PRORP: variants seen among roughly 807,000 people sequenced by gnomAD.
The protein encoded by PRORP is mitochondrial ribonuclease P catalytic subunit.
A neutral mutation model predicts 59.4 loss-of-function variants in PRORP; 51 were observed. The observed-to-expected ratio is 0.86, with a 90% CI of 0.69 to 1.08. PRORP has a LOEUF of 1.08. PRORP is among the 50% of genes least tolerant of loss of function. PRORP has a pLI of 0.00. For synonymous variants in PRORP, 231 were observed against 245.6 expected, an observed-to-expected ratio of 0.94 and a Z score of 0.55; for missense variants, 646 against 690.3, an observed-to-expected ratio of 0.94 and a Z score of 0.72.
rs139513682 is a variant in PRORP, at chr14:35,123,860, T to A, written c.615T>A (p.Tyr205Ter). ...TCTTTGAAATTATGAAAGCCAGATA[T>A]AAGACTTTAGAACCTAGAGGTTACA... Reference protein sequence around the residue: ...IDVFEIMKARYKTLEPRGYSL... With the variant: ...IDVFEIMKAR The change falls in exon 2 of 8, where the codon TAT becomes TAA. Residue 205 changes from tyrosine (Y) to a stop codon, truncating the protein, a stop_gained. Coordinates refer to ENST00000534898, the MANE Select transcript of PRORP (RefSeq NM_014672.4). LOFTEE classifies it high-confidence loss of function. The A allele has an allele frequency of 4.3e-5, 70 of 1,614,136 alleles. No homozygotes were observed. Among genetic ancestry groups the A allele is most frequent in the Non-Finnish European group, 1.9e-5 (23 of 1,180,026 alleles).
chr14:35,247,716 C>T lies in PRORP; in HGVS notation c.1276-19011C>T, dbSNP rs1489850063. On this transcript the variant is annotated intron_variant, in intron 5 of 7. Transcript: ENST00000534898. ...AAATTTAATCAAATTTTGATATTTCCATATCAAAATAAGTTAGTTTAATCT... is the reference window on the plus strand; with the variant it reads ...AAATTTAATCAAATTTTGATATTTCTATATCAAAATAAGTTAGTTTAATCT... 5.3e-5 allele frequency among the ~76,000 whole-genome samples: 8 copies of T among 152,106 alleles called. No individual in the cohort carries two copies. In the South Asian group the frequency reaches 8.3e-4, roughly 16 times the overall value.
chr14:35,240,713 C>T (rs2050343549), intron 5 of PRORP, among the ~76,000 whole-genome samples: 1 of 152,150 alleles, frequency 6.6e-6, no homozygotes. Flanking sequence ...GTGATTTCTA[C>T]CTCCTTGTTC....
intron 6 of PRORP, among the ~76,000 whole-genome samples, chr14:35,267,851 G>A (rs150945179): frequency 3.3e-5 from 5 of 152,114 alleles, no homozygotes; most frequent in Admixed American, 2.0e-4. Flanking sequence ...AAAGCAACAC[G>A]GCCAGTTGGG....
intron 5 of PRORP, among the ~76,000 whole-genome samples, chr14:35,261,292 T>G (rs2050895606): frequency 6.6e-6 from 1 of 152,196 alleles, no homozygotes; most frequent in Non-Finnish European, 1.5e-5. Flanking sequence ...AGTCTTCTTA[T>G]GTTTATTTTA....
intron 5 of PRORP, among the ~76,000 whole-genome samples, chr14:35,240,057 A>T (rs1201110358): frequency 6.7e-6 from 1 of 149,220 alleles, no homozygotes; most frequent in Non-Finnish European, 1.5e-5. Context: ...CCTGGGTGAC[A>T]GAGTAAGACT....
chr14:35,167,951 A>T (rs1379895275), intron 4 of PRORP, among the ~76,000 whole-genome samples: 2 of 152,250 alleles, frequency 1.3e-5, no homozygotes, highest in South Asian at 2.1e-4. Flanking sequence ...TTTTCTAAGG[A>T]TTAGAAGAAA....
intron 5 of PRORP, among the ~76,000 whole-genome samples, chr14:35,231,142 C>A (rs907252351): frequency 1.3e-5 from 2 of 152,062 alleles, no homozygotes; most frequent in African/African-American, 4.8e-5. Context: ...GAATTTATTA[C>A]CCATACAAAA....
Position 35,201,631 on chromosome 14 carries a change from T to TTTTATTTATTTATTTA in PRORP, c.1275+20867_1275+20882dup, listed in dbSNP as rs762557804. ...ACAAAATGCCTCATTGTATACAAAA[T>TTTTATTTATTTATTTA]TTTATTTATTTATTTATTTATTTAT... is the stretch of plus-strand genomic sequence containing the variant. On this transcript the variant is annotated intron_variant, in intron 5 of 7. Coordinates refer to ENST00000534898, the MANE Select transcript of PRORP (RefSeq NM_014672.4). Among the ~76,000 whole-genome samples the TTTTATTTATTTATTTA allele has an allele frequency of 6.8e-4, 103 of 151,586 alleles. 1 individual carries two copies. Among genetic ancestry groups the TTTTATTTATTTATTTA allele is most frequent in the African/African-American group, 2.4e-3 (97 of 41,176 alleles).
Position 35,138,154 on chromosome 14 carries a change from G to A in PRORP, c.1167+10543G>A, listed in dbSNP as rs146048227. Among the ~76,000 whole-genome samples the A allele has an allele frequency of 5.8e-4, 84 of 145,230 alleles. 11 individuals are homozygous for A. Among genetic ancestry groups the A allele is most frequent in the South Asian group, 2.0e-3 (9 of 4,420 alleles). On this transcript the variant is annotated intron_variant, in intron 4 of 7. Transcript: ENST00000534898. ...TGGTATCTTCACATGGCCTTCCTCT[G>A]GTGTATTCCTGGTATCATCTTTGTA...
rs377497877 is a variant in PRORP at position 35,266,924 on chromosome 14, T to A, written c.1424+49T>A. ...AATTATACTGTGCTGCAGACATCTATCTGCTTGTTAGTTACCTACTTTAAA... is the reference window on the plus strand; with the variant it reads ...AATTATACTGTGCTGCAGACATCTAACTGCTTGTTAGTTACCTACTTTAAA... On this transcript the variant is annotated intron_variant, in intron 6 of 7. Coordinates refer to ENST00000534898, the MANE Select transcript of PRORP (RefSeq NM_014672.4). The A allele has an allele frequency of 5.6e-3, 8,924 of 1,600,638 alleles. 44 individuals are homozygous for A. Among genetic ancestry groups the A allele is most frequent in the Non-Finnish European group, 6.9e-3 (8,023 of 1,170,440 alleles).
chr14:35,230,604 A>G (rs1316294310), intron 5 of PRORP, among the ~76,000 whole-genome samples: 1 of 152,180 alleles, frequency 6.6e-6, no homozygotes, highest in African/African-American at 2.4e-5. Flanking sequence ...CTGCATTACA[A>G]TTATGAAAGG....
chr14:35,149,497 G>A (rs777636631), intron 4 of PRORP, among the ~76,000 whole-genome samples: 14 of 152,186 alleles, frequency 9.2e-5, no homozygotes, highest in Non-Finnish European at 1.5e-4. Flanking sequence ...ACAGGTGTGA[G>A]CAACCATGAC....
chr14:35,140,366 G>A (rs896580832), intron 4 of PRORP, among the ~76,000 whole-genome samples: 2 of 145,160 alleles, frequency 1.4e-5, no homozygotes, highest in African/African-American at 4.9e-5. Context: ...TATGGTTAAG[G>A]TTAGTCTCTT....
intron 4 of PRORP, among the ~76,000 whole-genome samples, chr14:35,172,767 C>G (rs1180825617): frequency 6.6e-6 from 1 of 151,824 alleles, no homozygotes; most frequent in East Asian, 1.9e-4. Flanking sequence ...AAGCTGTCAC[C>G]ATGTTGGCCA....
intron 5 of PRORP, among the ~76,000 whole-genome samples, chr14:35,255,284 C>T (rs8021880): frequency 0.16 from 24,820 of 151,766 alleles, 2,386 homozygotes; most frequent in Middle Eastern, 0.23. Context: ...TGTGCCACCA[C>T]GCCTGGCTAA....
At chr14:35,264,479 A>C (rs1002435716) in intron 5 of PRORP, among the ~76,000 whole-genome samples, 6 of 151,548 alleles carry the variant, frequency 4.0e-5, no homozygotes, top group African/African-American at 1.5e-4. Context: ...GCTGGTCTAA[A>C]ACTTCTTGCC....
At chr14:35,156,550 G>A (rs1344643080) in intron 4 of PRORP, among the ~76,000 whole-genome samples, 1 of 152,184 alleles carries the variant, frequency 6.6e-6, no homozygotes, top group East Asian at 1.9e-4. Context: ...CTCAAAAGCA[G>A]GCTTCTCTCT....
At chr14:35,174,967 G>C (rs116937254) in intron 4 of PRORP, among the ~76,000 whole-genome samples, 27,383 of 141,000 alleles carry the variant, frequency 0.19, 2,753 homozygotes, top group Admixed American at 0.3. Flanking sequence ...TGTTCAATTC[G>C]CACTTATGAA....
intron 5 of PRORP, among the ~76,000 whole-genome samples, chr14:35,206,079 A>G (rs981297896): frequency 2.6e-5 from 4 of 152,228 alleles, no homozygotes; most frequent in African/African-American, 9.6e-5. Context: ...GTACAAAAAA[A>G]AATGTTGAAT....
Sources: allele counts gnomAD v4.1 joint callset (sites outside exome capture counted in the v4.1 genomes callset), GRCh38; gene constraint gnomAD v4.1.1; transcripts MANE v1.5; gene names NCBI Gene and HGNC (gene_info 2026-07-23, HGNC 2026-07-21).